Variants in RIMBP2 observed in about 807,000 individuals in gnomAD.
RIMBP2 encodes the protein RIMS-binding protein 2.
RIMBP2 carries 48 observed loss-of-function variants against 118.6 expected under a neutral mutation model. The observed-to-expected ratio is 0.40, with a 90% CI of 0.32 to 0.51. The LOEUF (loss-of-function observed/expected upper bound fraction) is 0.51. Ranked by LOEUF, RIMBP2 falls within the 20% of genes least tolerant of loss-of-function variation. RIMBP2 has a pLI of 0.41. For missense variants in RIMBP2, 1,551 were observed against 1,768.3 expected, an observed-to-expected ratio of 0.88 and a Z score of 2.20; for synonymous variants, 762 against 742.9, an observed-to-expected ratio of 1.03 and a Z score of -0.42.
At chr12:130,679,657 G>A (rs1223249130) in intron 1 of RIMBP2, among the ~76,000 whole-genome samples, 1 of 152,120 alleles carries the variant, frequency 6.6e-6, no homozygotes, top group African/African-American at 2.4e-5. Context: ...TTTCTCTATG[G>A]ATACTGGGCT....
At chr12:130,452,612 CGA>C (rs1380400620) in intron 7 of RIMBP2, among the ~76,000 whole-genome samples, 2 of 152,262 alleles carry the variant, frequency 1.3e-5, no homozygotes, top group Non-Finnish European at 1.5e-5. Context: ...CTCCCAGCCA[CGA>C]GAGTCACCTG....
At chr12:130,429,322 AAGT>A (rs1328743800) in intron 14 of RIMBP2, 3 of 152,262 alleles carry the variant, frequency 2.0e-5, no homozygotes, top group Middle Eastern at 3.4e-3. Flanking sequence ...TCAACAAAAA[AAGT>A]GTGTTTAAAT....
Position 130,525,357 on chromosome 12 carries a change from G to A in RIMBP2, c.-216-7440C>T, listed in dbSNP as rs942218486. Among the ~76,000 whole-genome samples, 10 of 152,196 alleles carry A rather than the reference G, an allele frequency of 6.6e-5. No individual in the cohort carries two copies. Among genetic ancestry groups the A allele is most frequent in the African/African-American group, 1.9e-4 (8 of 41,440 alleles). On this transcript the variant is annotated intron_variant, in intron 2 of 22. Coordinates refer to ENST00000690449, the MANE Select transcript of RIMBP2 (RefSeq NM_001393629.1). The surrounding 1 kb of genome is among the most constrained non-coding windows in gnomAD (Gnocchi z 4.4). Reference sequence around the variant, plus strand: ...GGGATAAGCAGAGGGCAGCATCAATGGGTGGGAGATAAAGAGGAAGAGGGA... The same window carrying A: ...GGGATAAGCAGAGGGCAGCATCAATAGGTGGGAGATAAAGAGGAAGAGGGA...
At chr12:130,487,588 T>C (rs1377445888) in intron 4 of RIMBP2, among the ~76,000 whole-genome samples, 2 of 152,202 alleles carry the variant, frequency 1.3e-5, no homozygotes, top group Admixed American at 6.5e-5. Flanking sequence ...TCGCTTCTTT[T>C]CTTTACAAAA....
intron 1 of RIMBP2, among the ~76,000 whole-genome samples, chr12:130,709,515 G>T (rs998786917): frequency 8.5e-5 from 13 of 152,218 alleles, no homozygotes; most frequent in African/African-American, 2.9e-4. Flanking sequence ...AACATGGAGC[G>T]CTTTACAGAC....
intron 5 of RIMBP2, among the ~76,000 whole-genome samples, chr12:130,477,227 T>A (rs1281445224): frequency 1.3e-5 from 2 of 152,018 alleles, no homozygotes; most frequent in Non-Finnish European, 1.5e-5. Context: ...AATAACAGAG[T>A]CAGTTCCAGG....
intron 7 of RIMBP2, among the ~76,000 whole-genome samples, chr12:130,455,176 G>T (rs1042627222): frequency 2.6e-5 from 4 of 152,252 alleles, no homozygotes; most frequent in African/African-American, 9.6e-5. Context: ...GAGACAGCAT[G>T]GAGACACGTG....
intron 1 of RIMBP2, among the ~76,000 whole-genome samples, chr12:130,635,811 T>TCTTA (rs1231404187): frequency 6.6e-6 from 1 of 152,006 alleles, no homozygotes; most frequent in Non-Finnish European, 1.5e-5. Context: ...TGCCCACACA[T>TCTTA]CTTATCGTCC....
At chr12:130,675,651 C>T (rs570059918) in intron 1 of RIMBP2, among the ~76,000 whole-genome samples, 2 of 152,306 alleles carry the variant, frequency 1.3e-5, no homozygotes, top group Admixed American at 6.5e-5. Context: ...GAGAGCCACA[C>T]CAATCAGATC....
chr12:130,438,901 G>A (rs776408949), intron 11 of RIMBP2, among the ~76,000 whole-genome samples: 21 of 152,220 alleles, frequency 1.4e-4, no homozygotes, highest in East Asian at 3.9e-4. Context: ...AGGGGCCAAC[G>A]AGACGCCGGC....
At chr12:130,529,629 G>A (rs866431764) in intron 2 of RIMBP2, among the ~76,000 whole-genome samples, 4 of 152,126 alleles carry the variant, frequency 2.6e-5, no homozygotes, top group Non-Finnish European at 4.4e-5. Context: ...TCAATTTTAC[G>A]TCAATTTCTT....
At chr12:130,496,173 G>A (rs1179754549) in intron 4 of RIMBP2, among the ~76,000 whole-genome samples, 2 of 152,208 alleles carry the variant, frequency 1.3e-5, no homozygotes, top group Non-Finnish European at 2.9e-5. Flanking sequence ...GACCTGGTGG[G>A]AGATAATTGG....
intron 11 of RIMBP2, 135 bp from the exon 12 acceptor site, chr12:130,438,651 G>T: frequency 7.9e-6 from 3 of 378,174 alleles, no homozygotes; most frequent in Non-Finnish European, 1.4e-5. Context: ...AGACAGTGTT[G>T]AAAGCACATC....
intron 1 of RIMBP2, among the ~76,000 whole-genome samples, chr12:130,701,525 A>G (rs991857109): frequency 9.9e-5 from 15 of 152,156 alleles, no homozygotes; most frequent in African/African-American, 3.6e-4. Context: ...AGCCGGGCAC[A>G]GGAAACCTTC....
chr12:130,440,208 C>T, intron 11 of RIMBP2, among the ~76,000 whole-genome samples: 1 of 134,374 alleles, frequency 7.4e-6, no homozygotes, highest in Non-Finnish European at 1.6e-5. Flanking sequence ...CTGGCCGTAC[C>T]TGCACCACCG....
intron 2 of RIMBP2, among the ~76,000 whole-genome samples, chr12:130,574,273 G>A (rs777627789): frequency 1.4e-4 from 21 of 152,090 alleles, no homozygotes; most frequent in Non-Finnish European, 3.1e-4. Context: ...TGTTGGGGGG[G>A]TGGCGGTGGG....
intron 2 of RIMBP2, among the ~76,000 whole-genome samples, chr12:130,529,130 C>T (rs925658843): frequency 1.3e-5 from 2 of 152,086 alleles, no homozygotes; most frequent in Non-Finnish European, 2.9e-5. Context: ...GAAGGAATGA[C>T]GTGCTGATTC....
At chr12:130,626,426 C>T (rs1239710884) in intron 2 of RIMBP2, among the ~76,000 whole-genome samples, 1 of 146,124 alleles carries the variant, frequency 6.8e-6, no homozygotes, top group Non-Finnish European at 1.5e-5. Context: ...GCTCCTCCAT[C>T]ACCATGACTA....
chr12:130,603,432 T>C (rs1030314239), intron 2 of RIMBP2, among the ~76,000 whole-genome samples: 2 of 151,958 alleles, frequency 1.3e-5, no homozygotes, highest in African/African-American at 4.8e-5. Context: ...AACAACCCAA[T>C]AGAGAAATGG....
Sources: allele counts gnomAD v4.1 joint callset (sites outside exome capture counted in the v4.1 genomes callset), GRCh38; gene constraint gnomAD v4.1.1; non-coding constraint Gnocchi (gnomAD v3.1); transcripts MANE v1.5; gene names NCBI Gene and HGNC (gene_info 2026-07-23, HGNC 2026-07-21).